Variants in SV2C observed in about 807,000 individuals in gnomAD.
SV2C encodes the protein solute carrier family 22 member B3.
SV2C carries 49 observed loss-of-function variants against 79.7 expected under a neutral mutation model. The observed-to-expected ratio is 0.61, with a 90% CI of 0.49 to 0.78. The LOEUF is 0.78. SV2C is among the 30% of genes least tolerant of loss of function. The pLI is 0.00. For missense variants in SV2C, 833 were observed against 912.9 expected, an observed-to-expected ratio of 0.91 and a Z score of 1.13; for synonymous variants, 334 against 333.2, an observed-to-expected ratio of 1.00 and a Z score of -0.03.
At chr5:76,280,214 C>T (rs1405658358) in intron 4 of SV2C, among the ~76,000 whole-genome samples, 2 of 151,960 alleles carry the variant, frequency 1.3e-5, no homozygotes, top group African/African-American at 2.4e-5. Context: ...GAGTGGACAA[C>T]ACACCCTTTA....
chr5:75,938,078 G>C, the SV2C span, among the ~76,000 whole-genome samples: 1 of 152,170 alleles, frequency 6.6e-6, no homozygotes, highest in Non-Finnish European at 1.5e-5. Context: ...TGAAAGAAGA[G>C]ACATGATTGG....
chr5:76,010,844 G>A, the SV2C span, among the ~76,000 whole-genome samples: 12 of 144,708 alleles, frequency 8.3e-5, no homozygotes, highest in African/African-American at 2.7e-4. Context: ...ACTAAACTTA[G>A]AAAGAAGAAG....
intron 4 of SV2C, among the ~76,000 whole-genome samples, chr5:76,270,316 G>A (rs1746802910): frequency 6.6e-6 from 1 of 152,202 alleles, no homozygotes; most frequent in African/African-American, 2.4e-5. Context: ...TGTGGGGGAA[G>A]TACTAGGTTT....
At chr5:76,078,728 C>A (rs1020207033), upstream of SV2C, 90 of 553,616 alleles carry the variant, frequency 1.6e-4, no homozygotes, top group Non-Finnish European at 2.5e-5. Context: ...ATGGCAAGAC[C>A]ATTCTAAAAG....
intron 1 of SV2C, among the ~76,000 whole-genome samples, chr5:76,101,811 G>T (rs1747749723): frequency 6.6e-6 from 1 of 152,164 alleles, no homozygotes; most frequent in African/African-American, 2.4e-5. Flanking sequence ...CTGCTATGAA[G>T]AACTTTTTTT....
intron 2 of SV2C, among the ~76,000 whole-genome samples, chr5:76,142,415 G>A (rs6859434): frequency 0.41 from 62,095 of 151,996 alleles, 14,759 homozygotes; most frequent in Non-Finnish European, 0.54. Context: ...TGTGCTTATA[G>A]TCATAACTGC....
chr5:76,233,053 G>GATTCTTCC (rs1220477967), intron 4 of SV2C, among the ~76,000 whole-genome samples: 2 of 141,432 alleles, frequency 1.4e-5, no homozygotes, highest in African/African-American at 6.3e-5. Flanking sequence ...TCACGATATT[G>GATTCTTCC]ATTCTTCCTA....
chr5:75,980,468 A>C, the SV2C span, among the ~76,000 whole-genome samples: 523 of 152,270 alleles, frequency 3.4e-3, 3 homozygotes, highest in African/African-American at 0.012. Flanking sequence ...ATCCTCCACA[A>C]AATACTGGCA....
chr5:75,875,199 A>G, the SV2C span, among the ~76,000 whole-genome samples: 1 of 152,218 alleles, frequency 6.6e-6, no homozygotes, highest in Non-Finnish European at 1.5e-5. Context: ...GCTAACAGTA[A>G]TCAAAACAGC....
rs574720977 is a variant in SV2C, at chr5:76,330,109, G to A, written c.*4562G>A. ...TTAGTATATTCTGGATGTATTGTGTGTCCCTTCATTGTTTCAGGTATGGCG... is the reference window on the plus strand; with the variant it reads ...TTAGTATATTCTGGATGTATTGTGTATCCCTTCATTGTTTCAGGTATGGCG... On this transcript the variant is annotated 3_prime_UTR_variant, in exon 13 of 13. Transcript: ENST00000502798. The A allele has an allele frequency of 2.0e-5, 3 of 151,066 alleles. No homozygotes were observed. Among genetic ancestry groups the A allele is most frequent in the Admixed American group, 2.0e-4 (3 of 15,186 alleles). 9.4% of individuals were successfully genotyped at this position (151,066 alleles called of 1,614,324 possible).
At chr5:75,992,074 G>A in the SV2C span, among the ~76,000 whole-genome samples, 7 of 151,628 alleles carry the variant, frequency 4.6e-5, no homozygotes, top group Non-Finnish European at 1.0e-4. Flanking sequence ...ATTTCAATTG[G>A]GTTTATGGTA....
the SV2C span, among the ~76,000 whole-genome samples, chr5:75,971,664 G>T: frequency 0.11 from 17,458 of 151,886 alleles, 2,986 homozygotes; most frequent in African/African-American, 0.37. Context: ...CACTGCTCAA[G>T]GAAATAAAAG....
intron 4 of SV2C, among the ~76,000 whole-genome samples, chr5:76,261,374 C>T (rs1746462448): frequency 6.6e-6 from 1 of 152,172 alleles, no homozygotes; most frequent in Admixed American, 6.5e-5. Context: ...AATATACAAA[C>T]ATGTCATCTG....
chr5:76,296,029 T>A (rs960197538), intron 9 of SV2C, 87 bp downstream of exon 9: 2 of 1,321,114 alleles, frequency 1.5e-6, no homozygotes, highest in Non-Finnish European at 2.0e-6. Flanking sequence ...ACAGGCATAG[T>A]TTTTTGTTTG....
the SV2C span, among the ~76,000 whole-genome samples, chr5:75,938,576 T>A: frequency 1.3e-5 from 2 of 152,168 alleles, no homozygotes; most frequent in Non-Finnish European, 2.9e-5. Flanking sequence ...TTCATTTATA[T>A]AAAGTTCGAA....
At chr5:76,148,312 G>A (rs568189385) in intron 2 of SV2C, among the ~76,000 whole-genome samples, 4 of 152,202 alleles carry the variant, frequency 2.6e-5, no homozygotes, top group Non-Finnish European at 4.4e-5. Context: ...TTATTTTTAT[G>A]TGTCTGGCCA....
At chr5:76,353,132 G>T (rs991168505) in exon 13 of SV2C, 27 of 452,488 alleles carry the variant, frequency 6.0e-5, no homozygotes, top group Non-Finnish European at 1.1e-4. Flanking sequence ...TTTTGTAGAC[G>T]CAGAGTCTTG....
the SV2C span, among the ~76,000 whole-genome samples, chr5:75,898,077 T>A: frequency 6.6e-6 from 1 of 152,148 alleles, no homozygotes; most frequent in Non-Finnish European, 1.5e-5. Flanking sequence ...TCCTGCCTAA[T>A]TGCCCTGGCC....
At chr5:76,348,956 A>G (rs1174001587) in intron 12 of SV2C, among the ~76,000 whole-genome samples, 1 of 152,076 alleles carries the variant, frequency 6.6e-6, no homozygotes, top group Non-Finnish European at 1.5e-5. Flanking sequence ...CCGAGACCAT[A>G]CCACTGCACT....
Sources: gnomAD v4.1 joint callset for allele counts (sites outside exome capture counted in the v4.1 genomes callset) on GRCh38, gnomAD v4.1.1 for gene constraint, MANE v1.5 for transcripts, NCBI Gene and HGNC (gene_info 2026-07-23, HGNC 2026-07-21) for gene names.